The following CSMD1 variants were observed in gnomAD, a reference collection of about 807,000 sequenced individuals.
CSMD1 encodes CUB and Sushi multiple domains 1.
A neutral mutation model predicts 417.5 loss-of-function variants in CSMD1; 213 were observed. The observed-to-expected ratio is 0.51, with a 90% CI of 0.46 to 0.57. The LOEUF is 0.57. CSMD1 is among the 20% of genes least tolerant of loss of function. The probability of loss-of-function intolerance (pLI) is 0.00; values close to 1 mark genes in which losing one functional copy is unlikely to be tolerated. For synonymous variants in CSMD1, 2,862 were observed against 1,736.8 expected (o/e 1.65, Z -16.11); for missense variants, 6,923 against 4,529.7 (o/e 1.53, Z -15.17).
chr8:3,777,238 C>T (rs530572443), intron 5 of CSMD1, among the ~76,000 whole-genome samples: 22 of 151,880 alleles, frequency 1.4e-4, no homozygotes, highest in Admixed American at 5.9e-4. Flanking sequence ...ACATGAGCTC[C>T]TTAAGGGCAG....
intron 9 of CSMD1, among the ~76,000 whole-genome samples, chr8:3,577,939 C>A (rs1277661382): frequency 6.6e-6 from 1 of 152,134 alleles, no homozygotes; most frequent in Admixed American, 6.6e-5. Flanking sequence ...AAACAACCAC[C>A]CTGTGGCTTG....
chr8:4,945,317 G>A (rs1808295460), intron 1 of CSMD1, among the ~76,000 whole-genome samples: 1 of 152,106 alleles, frequency 6.6e-6, no homozygotes, highest in African/African-American at 2.4e-5. Context: ...TCCTGGAGAT[G>A]GATGATGTGG....
chr8:4,014,060 C>CAAT, intron 4 of CSMD1, among the ~76,000 whole-genome samples: 1 of 152,006 alleles, frequency 6.6e-6, no homozygotes. Flanking sequence ...AAATCAAAGG[C>CAAT]AATAAAAACA....
chr8:3,749,010 T>C (rs1797190514), intron 6 of CSMD1, among the ~76,000 whole-genome samples: 1 of 152,326 alleles, frequency 6.6e-6, no homozygotes, highest in African/African-American at 2.4e-5. Context: ...AAAATTGTAA[T>C]TTTATAAACA....
intron 11 of CSMD1, among the ~76,000 whole-genome samples, chr8:3,489,946 C>T (rs1818274607): frequency 6.6e-6 from 1 of 152,192 alleles, no homozygotes. Context: ...GATCCTCTGA[C>T]TTCGTATACT....
At chr8:3,455,609 A>G (rs10111966) in intron 12 of CSMD1, among the ~76,000 whole-genome samples, 45,518 of 152,196 alleles carry the variant, frequency 0.3, 8,247 homozygotes, top group East Asian at 0.56. Context: ...TATCAGCAGC[A>G]GAGGCTGCAG....
In CSMD1 at chr8:4,952,434, A is replaced by G. The variant is rs1808816672; in HGVS notation, c.85+41898T>C. 2.0e-5 allele frequency among the ~76,000 whole-genome samples: 3 copies of G among 152,228 alleles called. No individual in the cohort carries two copies. The South Asian group carries it at 6.2e-4, about 32-fold the overall frequency. On this transcript the variant is annotated intron_variant, in intron 1 of 69. Transcript: ENST00000635120. Reference sequence around the variant, plus strand: ...ATGGAAGAGTCTATATTAGTGAGTCATACTTACTGGATTTCAATTACCTAT... The same window carrying G: ...ATGGAAGAGTCTATATTAGTGAGTCGTACTTACTGGATTTCAATTACCTAT...
intron 39 of CSMD1, among the ~76,000 whole-genome samples, chr8:3,157,405 C>T (rs1367760026): frequency 1.3e-5 from 2 of 152,108 alleles, no homozygotes; most frequent in Non-Finnish European, 2.9e-5. Flanking sequence ...CTAAAGAAGC[C>T]GGCTGATTGT....
chr8:4,089,634 G>T (rs907428848), intron 3 of CSMD1, among the ~76,000 whole-genome samples: 2 of 152,136 alleles, frequency 1.3e-5, no homozygotes, highest in Non-Finnish European at 2.9e-5. Flanking sequence ...CTATTCTAAG[G>T]AATAAGTGAA....
intron 2 of CSMD1, among the ~76,000 whole-genome samples, chr8:4,465,845 A>T (rs140665822): frequency 9.2e-5 from 14 of 152,276 alleles, no homozygotes; most frequent in African/African-American, 3.4e-4. Flanking sequence ...CAAGCCACAC[A>T]TTCTATCCTC....
intron 2 of CSMD1, among the ~76,000 whole-genome samples, chr8:4,587,125 C>G (rs1009539115): frequency 6.6e-6 from 1 of 152,232 alleles, no homozygotes; most frequent in Non-Finnish European, 1.5e-5. Flanking sequence ...ATTAGGTGCG[C>G]TCTCTTCTTC....
chr8:4,191,485 C>A (rs1799029693), intron 3 of CSMD1, among the ~76,000 whole-genome samples: 1 of 152,116 alleles, frequency 6.6e-6, no homozygotes, highest in South Asian at 2.1e-4. Context: ...AAGCATTGTT[C>A]TTACTTGTCT....
intron 4 of CSMD1, among the ~76,000 whole-genome samples, chr8:4,020,473 G>A (rs67885938): frequency 2.6e-4 from 40 of 152,200 alleles, no homozygotes; most frequent in African/African-American, 7.2e-4. Context: ...TTATGTGACC[G>A]CTAGGGTCAG....
At chr8:3,738,039 G>T (rs980460589) in intron 6 of CSMD1, among the ~76,000 whole-genome samples, 1 of 152,268 alleles carries the variant, frequency 6.6e-6, no homozygotes, top group East Asian at 1.9e-4. Context: ...TCCCTTTCTG[G>T]TGTCTGTAAG....
intron 3 of CSMD1, among the ~76,000 whole-genome samples, chr8:4,408,320 C>G (rs1796448969): frequency 6.6e-6 from 1 of 152,126 alleles, no homozygotes; most frequent in African/African-American, 2.4e-5. Flanking sequence ...TTCAAGTAAG[C>G]TACTTAAAAC....
intron 1 of CSMD1, among the ~76,000 whole-genome samples, chr8:4,720,031 A>C (rs893804402): frequency 4.6e-5 from 7 of 152,092 alleles, no homozygotes; most frequent in African/African-American, 1.7e-4. Context: ...ACAGATCATT[A>C]AATATTTTAA....
intron 1 of CSMD1, among the ~76,000 whole-genome samples, chr8:4,753,630 C>A (rs1017751461): frequency 2.0e-5 from 3 of 152,154 alleles, no homozygotes; most frequent in African/African-American, 7.2e-5. Context: ...CTCACTGTTC[C>A]GCAGCAGGAC....
At chr8:3,404,200 G>A (rs1377354187) in intron 15 of CSMD1, among the ~76,000 whole-genome samples, 2 of 152,126 alleles carry the variant, frequency 1.3e-5, no homozygotes, top group African/African-American at 4.8e-5. Flanking sequence ...CAGGCGTGGT[G>A]GCAGGTGTCT....
rs145839959 is a variant in CSMD1 at position 3,370,388 on chromosome 8, G to C, written c.2783-1018C>G. Among the ~76,000 whole-genome samples, 387 of 152,312 alleles carry C rather than the reference G, an allele frequency of 2.5e-3. 3 individuals are homozygous for C. Among genetic ancestry groups the C allele is most frequent in the African/African-American group, 9.0e-3 (372 of 41,558 alleles). On this transcript the variant is annotated intron_variant, in intron 18 of 69. Coordinates refer to ENST00000635120, the MANE Select transcript of CSMD1 (RefSeq NM_033225.6). Reference sequence around the variant, plus strand: ...CAAACAGCCATGTGCTCCGGGTCTTGCTCTTCTCCTGGAACCTCTCCACCT... The same window carrying C: ...CAAACAGCCATGTGCTCCGGGTCTTCCTCTTCTCCTGGAACCTCTCCACCT...
Sources: allele counts gnomAD v4.1 joint callset (sites outside exome capture counted in the v4.1 genomes callset), GRCh38; gene constraint gnomAD v4.1.1; transcripts MANE v1.5; gene names NCBI Gene and HGNC (gene_info 2026-07-23, HGNC 2026-07-21).